Variants in CLEC16A observed in about 807,000 individuals in gnomAD.
The protein encoded by CLEC16A is C-type lectin domain containing 16A, also known as protein CLEC16A.
In CLEC16A, 51 loss-of-function variants were observed where a neutral mutation model predicts 109.5. That is an observed-to-expected ratio of 0.47 (90% CI 0.37 to 0.59). The LOEUF (loss-of-function observed/expected upper bound fraction) is 0.59. Ranked by LOEUF, CLEC16A falls within the 20% of genes least tolerant of loss-of-function variation. The pLI is 0.00. For missense variants in CLEC16A, 1,339 were observed against 1,394.0 expected (o/e 0.96, Z 0.63); for synonymous variants, 673 against 564.2 (o/e 1.19, Z -2.73).
At chr16:10,947,866 T>A (rs2041475541) in intron 1 of CLEC16A, among the ~76,000 whole-genome samples, 1 of 152,058 alleles carries the variant, frequency 6.6e-6, no homozygotes, top group South Asian at 2.1e-4. Context: ...TATTATTATT[T>A]TTTAAATACA....
At chr16:11,118,329 C>T (rs941355381) in intron 19 of CLEC16A, among the ~76,000 whole-genome samples, 8 of 151,726 alleles carry the variant, frequency 5.3e-5, no homozygotes, top group African/African-American at 9.7e-5. Context: ...ATGCTTTTCC[C>T]GCCTTTTCTC....
chr16:10,971,533 C>G (rs1262107343), intron 5 of CLEC16A: 2 of 983,442 alleles, frequency 2.0e-6, no homozygotes, highest in Non-Finnish European at 2.4e-6. Flanking sequence ...GCAAAGTTGT[C>G]TTTTTAATGT....
chr16:10,994,060 G>T (rs1442387735), intron 10 of CLEC16A, among the ~76,000 whole-genome samples: 1 of 152,232 alleles, frequency 6.6e-6, no homozygotes, highest in Non-Finnish European at 1.5e-5. Flanking sequence ...CAAGAGGCCT[G>T]TGAGTGCTGT....
intron 19 of CLEC16A, among the ~76,000 whole-genome samples, chr16:11,114,056 T>C (rs2051792698): frequency 6.6e-6 from 1 of 152,102 alleles, no homozygotes; most frequent in Non-Finnish European, 1.5e-5. Context: ...TTATCAGACA[T>C]GTTTATTCTT....
Position 11,126,155 on chromosome 16 carries a change from G to GC in CLEC16A, c.2641+15dup, listed in dbSNP as rs765761972. 6.2e-7 allele frequency: 1 copy of GC among 1,613,632 alleles called. No individual in the cohort carries two copies. Among genetic ancestry groups the GC allele is most frequent in the African/African-American group, 1.3e-5 (1 of 74,974 alleles). ...GGTGGACAAGGTGCCAGGTGAGCCA[G>GC]CCCCCCGCCCTGCGCCACAGCTCGT... On this transcript the variant is annotated intron_variant, in intron 22 of 23. Coordinates refer to ENST00000409790, the MANE Select transcript of CLEC16A (RefSeq NM_015226.3).
chr16:10,979,298 T>G (rs1567533698), intron 8 of CLEC16A, 31 bp from the exon 9 acceptor site: 5 of 1,588,318 alleles, frequency 3.1e-6, no homozygotes, highest in Non-Finnish European at 4.3e-6. Context: ...TGACCTGATC[T>G]CTCTCTCTCT....
At chr16:10,990,483 G>A (rs1354619424) in intron 10 of CLEC16A, among the ~76,000 whole-genome samples, 1 of 152,240 alleles carries the variant, frequency 6.6e-6, no homozygotes, top group Non-Finnish European at 1.5e-5. Context: ...GCTTTAGCCA[G>A]GGCCGCGGGT....
At chr16:11,147,723 T>G (rs1056446118) in intron 22 of CLEC16A, among the ~76,000 whole-genome samples, 1 of 152,166 alleles carries the variant, frequency 6.6e-6, no homozygotes, top group African/African-American at 2.4e-5. Flanking sequence ...AAAATACAGC[T>G]CTCAACTTGT....
chr16:11,016,801 A>G lies in CLEC16A; in HGVS notation c.1304-3392A>G, dbSNP rs569193951. Among the ~76,000 whole-genome samples, 6 of 152,300 alleles carry G rather than the reference A, an allele frequency of 3.9e-5. No individual in the cohort carries two copies. In the South Asian group the frequency reaches 1.0e-3, roughly 26 times the overall value. On this transcript the variant is annotated intron_variant, in intron 11 of 23. Coordinates refer to ENST00000409790, the MANE Select transcript of CLEC16A (RefSeq NM_015226.3). ...AGCTAGAATTTTCTTCCAATGCACA[A>G]TGAAATAAGTACAAAACTATGCAAA... is the stretch of plus-strand genomic sequence containing the variant.
At chr16:11,038,095 C>T (rs576967045) in intron 13 of CLEC16A, among the ~76,000 whole-genome samples, 2 of 152,286 alleles carry the variant, frequency 1.3e-5, no homozygotes, top group South Asian at 4.1e-4. Flanking sequence ...CCGTCCCTCA[C>T]CCAGGTCATC....
chr16:11,141,752 G>A (rs893165887), intron 22 of CLEC16A, among the ~76,000 whole-genome samples: 5 of 152,234 alleles, frequency 3.3e-5, no homozygotes, highest in Non-Finnish European at 7.3e-5. Context: ...CATGGTCAGT[G>A]ATGGCGGTGG....
chr16:11,023,934 G>A (rs151177390), intron 12 of CLEC16A, among the ~76,000 whole-genome samples: 1 of 152,354 alleles, frequency 6.6e-6, no homozygotes, highest in Non-Finnish European at 1.5e-5. Context: ...TGGTGTTGAA[G>A]AGTATTTTTC....
In CLEC16A at chr16:10,954,065, CG is replaced by C. The variant is rs2041869839; in HGVS notation, c.81-3715del. 6.6e-6 allele frequency among the ~76,000 whole-genome samples: 1 copy of C among 152,168 alleles called. No homozygotes were observed. The highest frequency in any genetic ancestry group is 1.5e-5 in the Non-Finnish European group (1 of 68,040). On this transcript the variant is annotated intron_variant, in intron 1 of 23. Coordinates refer to ENST00000409790, the MANE Select transcript of CLEC16A (RefSeq NM_015226.3). This position sits in a 1 kb window ranked among gnomAD's most constrained non-coding sequence, Gnocchi z 4.2. ...CCATAAACATATATGAACAGGCACC[CG>C]GTTTCACTACTGGAAGAAAGCCCCC...
At chr16:11,099,212 C>A (rs1474916595) in intron 19 of CLEC16A, among the ~76,000 whole-genome samples, 1 of 152,218 alleles carries the variant, frequency 6.6e-6, no homozygotes, top group Non-Finnish European at 1.5e-5. Context: ...ACAGGTCATT[C>A]TCATGCACGG....
At chr16:11,154,348 G>C (rs933066666) in intron 22 of CLEC16A, among the ~76,000 whole-genome samples, 57 of 152,172 alleles carry the variant, frequency 3.7e-4, no homozygotes, top group African/African-American at 1.3e-3. Context: ...AATGCAAATA[G>C]AATAGTCATG....
At chr16:11,069,062 G>A (rs534445668) in intron 19 of CLEC16A, among the ~76,000 whole-genome samples, 2 of 150,854 alleles carry the variant, frequency 1.3e-5, no homozygotes, top group Admixed American at 6.6e-5. Context: ...CAAACTCCTG[G>A]CCTCAAATAG....
intron 12 of CLEC16A, among the ~76,000 whole-genome samples, chr16:11,021,699 G>T (rs115126836): frequency 3.3e-3 from 505 of 152,302 alleles, no homozygotes; most frequent in African/African-American, 0.012. Context: ...TTGAGAGGCT[G>T]AGGTGGGAGA....
chr16:11,012,878 A>G (rs1437792502), intron 11 of CLEC16A, among the ~76,000 whole-genome samples: 5 of 152,160 alleles, frequency 3.3e-5, no homozygotes, highest in Admixed American at 2.6e-4. Context: ...TTATTTGACA[A>G]TCATTTGTAT....
At position 11,178,749 on chromosome 16, in the gene CLEC16A, C is replaced by T. The variant is rs777881579; in HGVS notation, c.*59C>T. On this transcript the variant is annotated 3_prime_UTR_variant, in exon 24 of 24. Transcript: ENST00000409790. The surrounding 1 kb of genome is among the most constrained non-coding windows in gnomAD (Gnocchi z 6.5). ...CCCGCTGGTAGGGACCCCAGTGCCGCTGACTGGCAAGACACACTGGGAGCA... is the reference window on the plus strand; with the variant it reads ...CCCGCTGGTAGGGACCCCAGTGCCGTTGACTGGCAAGACACACTGGGAGCA... 1.8e-5 allele frequency: 24 copies of T among 1,326,180 alleles called. No individual in the cohort carries two copies. Among genetic ancestry groups the T allele is most frequent in the African/African-American group, 3.0e-5 (2 of 67,614 alleles). The allele number at this position is 1,326,180 out of a possible 1,614,324, so 82.2% of individuals were successfully genotyped here. A position where few individuals can be genotyped will look rare whatever the true frequency, so the allele number is the denominator to read the frequency against.
Sources: gnomAD v4.1 joint callset for allele counts (sites outside exome capture counted in the v4.1 genomes callset) on GRCh38, gnomAD v4.1.1 for gene constraint, Gnocchi (gnomAD v3.1) non-coding constraint, MANE v1.5 for transcripts, NCBI Gene and HGNC (gene_info 2026-07-23, HGNC 2026-07-21) for gene names.